Variants in PDE4D observed in about 807,000 individuals in gnomAD.
PDE4D encodes the protein 3',5'-cyclic-AMP phosphodiesterase 4D.
A neutral mutation model predicts 87.4 loss-of-function variants in PDE4D; 24 were observed. The ratio of observed to expected loss-of-function variants is 0.27; its 90% CI spans 0.20 to 0.39. PDE4D has a LOEUF of 0.39. Ranked by LOEUF, PDE4D falls within the 10% of genes least tolerant of loss-of-function variation. PDE4D has a pLI of 1.00. For synonymous variants in PDE4D, 384 were observed against 383.2 expected (o/e 1.00, Z -0.02); for missense variants, 714 against 1,041.0 (o/e 0.69, Z 4.32).
chr5:60,104,005 G>T (rs1177044901), intron 2 of PDE4D, among the ~76,000 whole-genome samples: 1 of 152,160 alleles, frequency 6.6e-6, no homozygotes, highest in African/African-American at 2.4e-5. Context: ...CCAGACAGTG[G>T]GCGCAGGACA....
intron 2 of PDE4D, among the ~76,000 whole-genome samples, chr5:60,063,242 A>G (rs569201629): frequency 1.3e-5 from 2 of 152,244 alleles, no homozygotes; most frequent in East Asian, 3.9e-4. Context: ...ACAGGAATAT[A>G]TTTATGTAAA....
intron 2 of PDE4D, among the ~76,000 whole-genome samples, chr5:60,124,763 G>A (rs558813134): frequency 6.4e-4 from 97 of 152,066 alleles, no homozygotes; most frequent in African/African-American, 2.0e-3. Context: ...TTCAGTTCTT[G>A]CCCTCCCACC....
At chr5:59,378,828 GA>G (rs1271287034) in intron 1 of PDE4D, among the ~76,000 whole-genome samples, 2 of 152,094 alleles carry the variant, frequency 1.3e-5, no homozygotes, top group African/African-American at 4.8e-5. Flanking sequence ...CTTTGCTCAG[GA>G]AAAAGTCCAA....
chr5:59,214,751 A>G (rs1173734890), intron 2 of PDE4D, among the ~76,000 whole-genome samples: 1 of 152,244 alleles, frequency 6.6e-6, no homozygotes, highest in Admixed American at 6.5e-5. Context: ...GGTAGACGTC[A>G]ATAATACAAC....
intron 1 of PDE4D, among the ~76,000 whole-genome samples, chr5:60,322,431 T>G (rs189040771): frequency 1.7e-3 from 244 of 144,616 alleles, no homozygotes; most frequent in African/African-American, 5.9e-3. Context: ...CCTAACATAT[T>G]TCAAACTTTT....
At chr5:60,115,655 C>A (rs1778106076) in intron 2 of PDE4D, among the ~76,000 whole-genome samples, 1 of 152,006 alleles carries the variant, frequency 6.6e-6, no homozygotes, top group South Asian at 2.1e-4. Flanking sequence ...CAGTTAGTGA[C>A]AGAATTGCTA....
chr5:59,648,677 C>T (rs1213125076), intron 1 of PDE4D, among the ~76,000 whole-genome samples: 7 of 150,710 alleles, frequency 4.6e-5, no homozygotes, highest in African/African-American at 1.7e-4. Flanking sequence ...CTCAAAAATG[C>T]TTCCACAAGA....
At chr5:59,281,551 G>A (rs1581744756) in intron 1 of PDE4D, among the ~76,000 whole-genome samples, 1 of 152,016 alleles carries the variant, frequency 6.6e-6, no homozygotes, top group South Asian at 2.1e-4. Context: ...TTTTTATTAT[G>A]GTAAAATACA....
chr5:59,762,750 G>C (rs945252421), intron 1 of PDE4D, among the ~76,000 whole-genome samples: 5 of 144,648 alleles, frequency 3.5e-5, no homozygotes, highest in African/African-American at 1.3e-4. Flanking sequence ...TATGTATATA[G>C]GTACATATAT....
intron 1 of PDE4D, among the ~76,000 whole-genome samples, chr5:60,470,320 G>A (rs924834955): frequency 2.0e-5 from 3 of 152,196 alleles, no homozygotes; most frequent in Admixed American, 6.5e-5. Flanking sequence ...AAAATAAACT[G>A]TTTCCATAAC....
chr5:59,012,681 T>TAA, intron 6 of PDE4D, among the ~76,000 whole-genome samples: 1 of 152,296 alleles, frequency 6.6e-6, no homozygotes, highest in African/African-American at 2.4e-5. Context: ...CTAAGAGACT[T>TAA]AGACTTCTAC....
At chr5:59,203,047 C>G (rs1025515138) in intron 2 of PDE4D, among the ~76,000 whole-genome samples, 2 of 152,086 alleles carry the variant, frequency 1.3e-5, no homozygotes, top group Non-Finnish European at 2.9e-5. Context: ...CTGAATAGGT[C>G]TTTCTCAAAA....
chr5:60,448,962 ATTATT>A (rs1366711084), intron 1 of PDE4D, among the ~76,000 whole-genome samples: 2 of 152,016 alleles, frequency 1.3e-5, no homozygotes, highest in East Asian at 3.9e-4. Context: ...TGCCTGAATA[ATTATT>A]AGCAAATAAG....
intron 1 of PDE4D, among the ~76,000 whole-genome samples, chr5:59,826,558 C>A (rs1770351586): frequency 1.3e-5 from 2 of 151,830 alleles, no homozygotes; most frequent in African/African-American, 2.4e-5. Context: ...GCACAACATG[C>A]AATGCAGCCA....
rs1010746283 is a variant in PDE4D at position 58,993,605 on chromosome 5, A to G, written c.922-140T>C. ...AATTTAGAACAGTGCCTTCCAGCAGAACTTTCTTCAATGAGGGGAAAACAC... is the reference window on the plus strand; with the variant it reads ...AATTTAGAACAGTGCCTTCCAGCAGGACTTTCTTCAATGAGGGGAAAACAC... On this transcript the variant is annotated intron_variant, in intron 6 of 14. Coordinates refer to ENST00000340635, the MANE Select transcript of PDE4D (RefSeq NM_001104631.2). 1.1e-5 allele frequency: 6 copies of G among 539,898 alleles called. No individual in the cohort carries two copies. The African/African-American group carries it at 1.2e-4, about 11-fold the overall frequency. The allele number at this position is 539,898 out of a possible 1,614,324, so 33.4% of individuals were successfully genotyped here.
At chr5:59,102,693 T>C (rs935586650) in intron 5 of PDE4D, among the ~76,000 whole-genome samples, 2 of 152,128 alleles carry the variant, frequency 1.3e-5, no homozygotes, top group African/African-American at 2.4e-5. Context: ...CAGCAGTTCA[T>C]CAGCATCAGC....
intron 1 of PDE4D, among the ~76,000 whole-genome samples, chr5:59,833,838 T>C (rs1292178986): frequency 1.3e-5 from 2 of 151,994 alleles, no homozygotes; most frequent in South Asian, 2.1e-4. Context: ...ATGATAAACA[T>C]AGATAACTTG....
intron 1 of PDE4D, among the ~76,000 whole-genome samples, chr5:60,330,933 TGACATGAA>T (rs1304904653): frequency 6.6e-6 from 1 of 152,168 alleles, no homozygotes; most frequent in African/African-American, 2.4e-5. Context: ...TCAGTATATT[TGACATGAA>T]ATTCCTCACC....
rs563753355 is a variant in PDE4D at position 60,330,524 on chromosome 5, G to T, written c.-89-144837C>A. ...GAGCGGAGGGAAAGACCAAGCCCCA[G>T]GACAGCACACTGACCATTCCAGGAG... On this transcript the variant is annotated intron_variant, in intron 1 of 16. Coordinates refer to the PDE4D transcript ENST00000502484. 3.9e-5 allele frequency among the ~76,000 whole-genome samples: 6 copies of T among 152,192 alleles called. No homozygotes were observed. The East Asian group carries it at 1.2e-3, about 30-fold the overall frequency.
Sources: gnomAD v4.1 joint callset for allele counts (sites outside exome capture counted in the v4.1 genomes callset) on GRCh38, gnomAD v4.1.1 for gene constraint, MANE v1.5 for transcripts, NCBI Gene and HGNC (gene_info 2026-07-23, HGNC 2026-07-21) for gene names.